PDE4D: variants seen among roughly 807,000 people sequenced by gnomAD.
PDE4D encodes 3',5'-cyclic-AMP phosphodiesterase 4D.
In PDE4D, 24 loss-of-function variants were observed where a neutral mutation model predicts 87.4. That is an observed-to-expected ratio of 0.27 (90% CI 0.20 to 0.39). The LOEUF is 0.39. PDE4D is among the 10% of genes least tolerant of loss of function. The pLI, the probability that PDE4D is intolerant of heterozygous loss-of-function variation, is 1.00. For synonymous variants in PDE4D, 384 were observed against 383.2 expected (o/e 1.00, Z -0.02); for missense variants, 714 against 1,041.0 (o/e 0.69, Z 4.32).
intron 5 of PDE4D, among the ~76,000 whole-genome samples, chr5:59,176,837 A>G (rs1783970231): frequency 6.6e-6 from 1 of 152,200 alleles, no homozygotes; most frequent in East Asian, 1.9e-4. Context: ...TATCATCTCT[A>G]TCACAAAGCT....
At chr5:59,053,845 G>T (rs890005864) in intron 5 of PDE4D, among the ~76,000 whole-genome samples, 41 of 151,524 alleles carry the variant, frequency 2.7e-4, no homozygotes, top group Non-Finnish European at 4.6e-4. Flanking sequence ...GAACCTGGGA[G>T]GCAGAGGTTG....
intron 3 of PDE4D, among the ~76,000 whole-genome samples, chr5:59,957,567 A>G (rs1197103699): frequency 6.6e-6 from 1 of 152,096 alleles, no homozygotes; most frequent in Admixed American, 6.6e-5. Context: ...TAGTATAGAG[A>G]AAAGGAATAT....
chr5:60,486,662 C>A (rs952548302), intron 1 of PDE4D, among the ~76,000 whole-genome samples: 1 of 152,128 alleles, frequency 6.6e-6, no homozygotes, highest in African/African-American at 2.4e-5. Flanking sequence ...TAGGTGCAAT[C>A]AAAAATAAGC....
chr5:60,006,162 T>C (rs779910344), intron 2 of PDE4D, among the ~76,000 whole-genome samples: 8 of 151,826 alleles, frequency 5.3e-5, no homozygotes, highest in Non-Finnish European at 1.0e-4. Context: ...TGGGTAAAGG[T>C]ACAGATGAAA....
intron 5 of PDE4D, among the ~76,000 whole-genome samples, chr5:59,141,363 T>C (rs1341809877): frequency 6.6e-6 from 1 of 152,250 alleles, no homozygotes; most frequent in Non-Finnish European, 1.5e-5. Flanking sequence ...ATTTGTTTTG[T>C]TGATGAGGCC....
intron 1 of PDE4D, among the ~76,000 whole-genome samples, chr5:60,253,234 C>A (rs1196214470): frequency 6.6e-6 from 1 of 151,888 alleles, no homozygotes; most frequent in African/African-American, 2.4e-5. Flanking sequence ...GCTCTTTGCA[C>A]CTTGCCCTAG....
intron 1 of PDE4D, among the ~76,000 whole-genome samples, chr5:59,807,518 G>C (rs1767873584): frequency 6.6e-6 from 1 of 152,314 alleles, no homozygotes; most frequent in East Asian, 1.9e-4. Context: ...ACACACAGAG[G>C]TGCTTCGTGG....
chr5:59,762,591 T>C (rs890210556), intron 1 of PDE4D, among the ~76,000 whole-genome samples: 1 of 145,680 alleles, frequency 6.9e-6, no homozygotes, highest in Non-Finnish European at 1.5e-5. Flanking sequence ...GGTACACATA[T>C]GTGTATATGT....
intron 1 of PDE4D, among the ~76,000 whole-genome samples, chr5:59,299,063 G>A (rs920773613): frequency 4.6e-5 from 7 of 152,158 alleles, no homozygotes; most frequent in African/African-American, 1.7e-4. Flanking sequence ...CATAAGGGAA[G>A]TTATTGGTGC....
chr5:59,842,401 C>A (rs375086217), intron 1 of PDE4D, among the ~76,000 whole-genome samples: 1 of 151,928 alleles, frequency 6.6e-6, no homozygotes, highest in South Asian at 2.1e-4. Flanking sequence ...AAATCTACTG[C>A]CCTAGAAAAA....
chr5:59,196,842 G>A (rs1371602817), intron 2 of PDE4D, among the ~76,000 whole-genome samples: 1 of 152,082 alleles, frequency 6.6e-6, no homozygotes, highest in Non-Finnish European at 1.5e-5. Flanking sequence ...ATAATGGGAG[G>A]TATATTACAC....
intron 1 of PDE4D, among the ~76,000 whole-genome samples, chr5:59,776,429 A>G (rs944582931): frequency 2.0e-5 from 3 of 152,232 alleles, no homozygotes; most frequent in African/African-American, 7.2e-5. Context: ...CGGTGTTATT[A>G]TATACCACAA....
intron 2 of PDE4D, among the ~76,000 whole-genome samples, chr5:60,105,349 A>C (rs1304271482): frequency 4.6e-5 from 7 of 152,362 alleles, no homozygotes; most frequent in African/African-American, 1.7e-4. Context: ...CCTCCAAGAA[A>C]TATGGGACTA....
chr5:59,102,310 T>A (rs1024071349), intron 5 of PDE4D, among the ~76,000 whole-genome samples: 2 of 151,968 alleles, frequency 1.3e-5, no homozygotes, highest in Non-Finnish European at 2.9e-5. Context: ...GGTCTCAAAC[T>A]CCCGACCTCA....
chr5:60,037,490 C>G (rs1767943314), intron 2 of PDE4D, among the ~76,000 whole-genome samples: 1 of 151,914 alleles, frequency 6.6e-6, no homozygotes, highest in Non-Finnish European at 1.5e-5. Flanking sequence ...TAGTCTGGGC[C>G]CATTTGTTTA....
intron 1 of PDE4D, among the ~76,000 whole-genome samples, chr5:60,316,201 A>C (rs537221796): frequency 6.6e-6 from 1 of 152,248 alleles, no homozygotes; most frequent in African/African-American, 2.4e-5. Context: ...GAGGTCCTTC[A>C]CGTCCCTTGT....
intron 1 of PDE4D, among the ~76,000 whole-genome samples, chr5:60,467,764 G>A (rs1747476243): frequency 6.6e-6 from 1 of 152,180 alleles, no homozygotes; most frequent in Non-Finnish European, 1.5e-5. Flanking sequence ...ACTTATGATT[G>A]TGATGGAAGG....
At chr5:59,201,788 A>G (rs1201003871) in intron 2 of PDE4D, among the ~76,000 whole-genome samples, 1 of 152,172 alleles carries the variant, frequency 6.6e-6, no homozygotes, top group East Asian at 1.9e-4. Flanking sequence ...TGCCACTTAG[A>G]ATTAAAATAA....
At chr5:59,826,373 T>C (rs1056203567) in intron 1 of PDE4D, among the ~76,000 whole-genome samples, 1 of 152,214 alleles carries the variant, frequency 6.6e-6, no homozygotes, top group Admixed American at 6.5e-5. Flanking sequence ...ATTATATGTA[T>C]GAGATTCGCG....
Sources: gnomAD v4.1 joint callset for allele counts (sites outside exome capture counted in the v4.1 genomes callset) on GRCh38, gnomAD v4.1.1 for gene constraint, MANE v1.5 for transcripts, NCBI Gene and HGNC (gene_info 2026-07-23, HGNC 2026-07-21) for gene names.